RBMS3: variants seen among roughly 807,000 people sequenced by gnomAD.
The protein encoded by RBMS3 is RNA binding motif single stranded interacting protein 3, also known as RNA-binding motif, single-stranded-interacting protein 3.
Under a neutral mutation model 66.8 loss-of-function variants are expected in RBMS3, and 27 were observed. The observed-to-expected ratio is 0.40, with a 90% confidence interval of 0.30 to 0.56. RBMS3 has a LOEUF of 0.56. Ranked by LOEUF, RBMS3 falls within the 20% of genes least tolerant of loss-of-function variation. The probability of loss-of-function intolerance (pLI) is 0.40; values close to 1 mark genes in which losing one functional copy is unlikely to be tolerated. For missense variants in RBMS3, 513 were observed against 549.5 expected (o/e 0.93, Z 0.66); for synonymous variants, 188 against 183.0 (o/e 1.03, Z -0.22).
intron 1 of RBMS3, among the ~76,000 whole-genome samples, chr3:29,351,995 C>T (rs148560491): frequency 0.015 from 2,281 of 152,050 alleles, 38 homozygotes; most frequent in Middle Eastern, 0.058. Flanking sequence ...ATAACTTCTC[C>T]GTGTATACCG....
chr3:29,405,366 C>T (rs373630957), intron 1 of RBMS3, among the ~76,000 whole-genome samples: 13 of 152,214 alleles, frequency 8.5e-5, no homozygotes, highest in South Asian at 4.1e-4. Flanking sequence ...AATTTATTTG[C>T]CAGGTCATAC....
In RBMS3 at chr3:29,434,782, A is replaced by C. The variant is rs564855122; in HGVS notation, c.115A>C (p.Ser39Arg). Residue 39 changes from serine to arginine, a missense_variant, in exon 2 of 15, where the codon AGC (serine) becomes CGC (arginine). Ser to Arg is a moderately radical substitution (Grantham distance 110). Coordinates refer to ENST00000383767, the MANE Select transcript of RBMS3 (RefSeq NM_001003793.3). Reference protein sequence around the residue: ...APAPHPMAPPSPSTNSSSNNS... With the variant: ...APAPHPMAPPRPSTNSSSNNS... ...AGCTCCCCACCCCATGGCTCCTCCCAGCCCCAGCACAAACAGCAGCAGCAA... is the reference window on the plus strand; with the variant it reads ...AGCTCCCCACCCCATGGCTCCTCCCCGCCCCAGCACAAACAGCAGCAGCAA... 6 of 1,614,050 alleles carry C rather than the reference A, an allele frequency of 3.7e-6. No homozygotes were observed. Among genetic ancestry groups the C allele is most frequent in the Non-Finnish European group, 5.1e-6 (6 of 1,179,986 alleles).
At chr3:29,575,320 T>C (rs1244924088) in intron 3 of RBMS3, among the ~76,000 whole-genome samples, 1 of 151,914 alleles carries the variant, frequency 6.6e-6, no homozygotes, top group African/African-American at 2.4e-5. Flanking sequence ...AAATATGTCA[T>C]GCCACTCTCT....
chr3:29,644,498 G>T (rs1294740229), intron 4 of RBMS3, among the ~76,000 whole-genome samples: 1 of 152,164 alleles, frequency 6.6e-6, no homozygotes, highest in Non-Finnish European at 1.5e-5. Flanking sequence ...AGCCTAACGT[G>T]TCTCAGATGG....
intron 12 of RBMS3, among the ~76,000 whole-genome samples, chr3:29,950,986 A>G (rs1335392989): frequency 6.6e-6 from 1 of 151,898 alleles, no homozygotes; most frequent in Non-Finnish European, 1.5e-5. Context: ...GGTTATCAGG[A>G]TAGTTGGAAT....
At chr3:29,321,807 C>T (rs189474308) in intron 1 of RBMS3, among the ~76,000 whole-genome samples, 85 of 152,092 alleles carry the variant, frequency 5.6e-4, no homozygotes, top group Non-Finnish European at 1.0e-3. Context: ...CAGCTGAGGG[C>T]GGTAACTACT....
chr3:29,740,735 A>G (rs2149350741), intron 5 of RBMS3, among the ~76,000 whole-genome samples: 1 of 152,312 alleles, frequency 6.6e-6, no homozygotes, highest in East Asian at 1.9e-4. Flanking sequence ...AAGTCAGCCC[A>G]TTGCAGACAA....
intron 4 of RBMS3, among the ~76,000 whole-genome samples, chr3:29,605,998 G>A (rs1434980488): frequency 6.7e-6 from 1 of 149,050 alleles, no homozygotes; most frequent in Non-Finnish European, 1.5e-5. Context: ...CTCCTTGGAA[G>A]TGTATATATA....
chr3:29,940,360 T>C (rs540713265), intron 11 of RBMS3, among the ~76,000 whole-genome samples: 1 of 151,966 alleles, frequency 6.6e-6, no homozygotes, highest in South Asian at 2.1e-4. Flanking sequence ...AAACAAGGTG[T>C]GAACAGTGAC....
chr3:30,009,131 A>C lies in RBMS3; in HGVS notation c.*5269A>C, dbSNP rs1425972146. The C allele has an allele frequency of 6.6e-6, 1 of 152,138 alleles. No individual in the cohort carries two copies. Among genetic ancestry groups the C allele is most frequent in the Non-Finnish European group, 1.5e-5 (1 of 67,988 alleles). The allele number at this position is 152,138 out of a possible 1,614,324, so 9.4% of individuals were successfully genotyped here. A position where few individuals can be genotyped will look rare whatever the true frequency, so the allele number is the denominator to read the frequency against. On this transcript the variant is annotated 3_prime_UTR_variant, in exon 15 of 15. Coordinates refer to ENST00000383767, the MANE Select transcript of RBMS3 (RefSeq NM_001003793.3). Reference sequence around the variant, plus strand: ...CAAGCTTGGATCTGCAGGAAGAACCACTAGGCCACTGAGTCATACTTGAGC... The same window carrying C: ...CAAGCTTGGATCTGCAGGAAGAACCCCTAGGCCACTGAGTCATACTTGAGC...
intron 13 of RBMS3, among the ~76,000 whole-genome samples, chr3:29,989,504 T>TACCACTCCACATAAAAA (rs1228049640): frequency 6.6e-6 from 1 of 152,186 alleles, no homozygotes; most frequent in Non-Finnish European, 1.5e-5. Flanking sequence ...ACTGTGTTGG[T>TACCACTCCACATAAAAA]ACCACTCCAC....
At chr3:29,580,377 G>C (rs887911031) in intron 3 of RBMS3, among the ~76,000 whole-genome samples, 2 of 152,044 alleles carry the variant, frequency 1.3e-5, no homozygotes, top group Admixed American at 1.3e-4. Context: ...CATAAATTTA[G>C]AATATGGATA....
intron 4 of RBMS3, among the ~76,000 whole-genome samples, chr3:29,594,480 T>A (rs2149105962): frequency 6.6e-6 from 1 of 152,344 alleles, no homozygotes; most frequent in East Asian, 1.9e-4. Flanking sequence ...TACTCTTGAA[T>A]GACTGATGCA....
At chr3:29,977,061 G>A (rs1288277484) in intron 12 of RBMS3, among the ~76,000 whole-genome samples, 2 of 152,052 alleles carry the variant, frequency 1.3e-5, no homozygotes, top group African/African-American at 4.8e-5. Flanking sequence ...CCTTTCAGAG[G>A]TGCATTTTTA....
At chr3:29,342,571 G>A (rs186027011) in intron 1 of RBMS3, among the ~76,000 whole-genome samples, 115 of 152,188 alleles carry the variant, frequency 7.6e-4, no homozygotes, top group East Asian at 7.5e-3. Flanking sequence ...AGCTTGGATC[G>A]TGAAAACACA....
intron 8 of RBMS3, among the ~76,000 whole-genome samples, chr3:29,889,775 T>C (rs912655163): frequency 2.6e-5 from 4 of 151,650 alleles, no homozygotes; most frequent in Non-Finnish European, 4.4e-5. Flanking sequence ...TCATAGACTG[T>C]TTAACCCAGT....
At chr3:29,983,234 G>C (rs111430278) in intron 12 of RBMS3, among the ~76,000 whole-genome samples, 4,013 of 93,662 alleles carry the variant, frequency 0.043, 168 homozygotes, top group East Asian at 0.21. Context: ...TGCAACCCCC[G>C]CCCCCTTTTT....
At chr3:29,905,458 T>C (rs2060354363) in intron 10 of RBMS3, among the ~76,000 whole-genome samples, 2 of 152,026 alleles carry the variant, frequency 1.3e-5, no homozygotes, top group African/African-American at 4.8e-5. Context: ...CCCCCAAACA[T>C]GGAACCAATT....
rs1175185597 is a variant in RBMS3 at position 29,950,314 on chromosome 3, C to T, written c.1098+6060C>T. Reference sequence around the variant, plus strand: ...AGTGGCAGCAACTGACTTAAAGCATCCCGCAGCAGCAGCACACAGCATCAC... The same window carrying T: ...AGTGGCAGCAACTGACTTAAAGCATTCCGCAGCAGCAGCACACAGCATCAC... On this transcript the variant is annotated intron_variant, in intron 12 of 14. Coordinates refer to ENST00000383767, the MANE Select transcript of RBMS3 (RefSeq NM_001003793.3). Among the ~76,000 whole-genome samples the T allele has an allele frequency of 4.0e-5, 6 of 151,840 alleles. No homozygotes were observed. In the East Asian group the frequency reaches 7.8e-4, roughly 20 times the overall value.
Sources: allele counts gnomAD v4.1 joint callset (sites outside exome capture counted in the v4.1 genomes callset), GRCh38; gene constraint gnomAD v4.1.1; transcripts MANE v1.5; gene names NCBI Gene and HGNC (gene_info 2026-07-23, HGNC 2026-07-21).